The following ZEB1 variants were observed in gnomAD, a reference collection of about 807,000 sequenced individuals.
ZEB1 encodes the protein zinc finger E-box binding homeobox 1, also known as zinc finger E-box-binding homeobox 1.
In ZEB1, 21 loss-of-function variants were observed where a neutral mutation model predicts 84.9. That is an observed-to-expected ratio of 0.25 (90% confidence interval 0.18 to 0.36). The LOEUF is 0.36. Ranked by LOEUF, ZEB1 falls within the 10% of genes least tolerant of loss-of-function variation. The pLI is 1.00. For missense variants in ZEB1, 1,104 were observed against 1,330.2 expected (o/e 0.83, Z 2.65); for synonymous variants, 420 against 471.1 (o/e 0.89, Z 1.41).
chr10:31,461,147 C>G lies in ZEB1; in HGVS notation c.169C>G (p.Pro57Ala), dbSNP rs1449875279. The change falls in exon 2 of 9, where the codon CCA becomes GCA. Residue 57 changes from proline to alanine, a missense_variant. Coordinates refer to ENST00000424869, the MANE Select transcript of ZEB1 (RefSeq NM_001174096.2). ...VTDAADCEGVPEDDLPTDQTV... is the reference protein window; with the variant it reads ...VTDAADCEGVAEDDLPTDQTV... ...AGATGCAGCTGACTGTGAAGGTGTACCAGAGGATGACCTGCCAACAGACCA... is the reference window on the plus strand; with the variant it reads ...AGATGCAGCTGACTGTGAAGGTGTAGCAGAGGATGACCTGCCAACAGACCA... 6.2e-7 allele frequency: 1 copy of G among 1,613,406 alleles called. No homozygotes were observed. Among genetic ancestry groups the G allele is most frequent in the Non-Finnish European group, 8.5e-7 (1 of 1,179,706 alleles).
Position 31,468,958 on chromosome 10 carries a change from G to T in ZEB1, c.259+7721G>T, listed in dbSNP as rs143193626. 5.0e-3 allele frequency among the ~76,000 whole-genome samples: 757 copies of T among 152,216 alleles called. 11 individuals carry two copies. The highest frequency in any genetic ancestry group is 0.017 in the African/African-American group (708 of 41,532). ...TGAAAACTTTGAAATGACAGATAAA[G>T]AATTTAAGATATGGACTGTTAAGAA... is the stretch of plus-strand genomic sequence containing the variant. On this transcript the variant is annotated intron_variant, in intron 2 of 8. Coordinates refer to ENST00000424869, the MANE Select transcript of ZEB1 (RefSeq NM_001174096.2).
At chr10:31,389,288 G>A (rs1023610369) in intron 1 of ZEB1, among the ~76,000 whole-genome samples, 3 of 152,038 alleles carry the variant, frequency 2.0e-5, no homozygotes, top group South Asian at 2.1e-4. Context: ...TAATGGTACC[G>A]AGGGCTTCTT....
intron 2 of ZEB1, among the ~76,000 whole-genome samples, chr10:31,479,436 A>G (rs1206923072): frequency 6.6e-6 from 1 of 151,930 alleles, no homozygotes; most frequent in Non-Finnish European, 1.5e-5. Flanking sequence ...ATCAAATTCA[A>G]ATAAGAACAC....
chr10:31,513,263 G>A (rs1002934240), intron 5 of ZEB1, among the ~76,000 whole-genome samples: 57 of 152,106 alleles, frequency 3.7e-4, no homozygotes, highest in African/African-American at 1.3e-3. Context: ...GGGTACATGA[G>A]TAAGAGGGTA....
At chr10:31,407,340 G>A (rs1449536427) in intron 1 of ZEB1, among the ~76,000 whole-genome samples, 1 of 146,458 alleles carries the variant, frequency 6.8e-6, no homozygotes, top group Non-Finnish European at 1.5e-5. Context: ...GTGAGAACAT[G>A]CGGTGTTTGG....
At chr10:31,399,572 T>G (rs1208390461) in intron 1 of ZEB1, among the ~76,000 whole-genome samples, 2 of 152,198 alleles carry the variant, frequency 1.3e-5, no homozygotes, top group Non-Finnish European at 2.9e-5. Context: ...CAAATCACCT[T>G]CATCTCTTAC....
At chr10:31,346,094 A>G (rs1410405884) in intron 1 of ZEB1, among the ~76,000 whole-genome samples, 1 of 152,188 alleles carries the variant, frequency 6.6e-6, no homozygotes, top group African/African-American at 2.4e-5. Flanking sequence ...GTTTGGAAGT[A>G]TGAATAGTCA....
intron 2 of ZEB1, among the ~76,000 whole-genome samples, chr10:31,494,898 C>T (rs1042194188): frequency 1.2e-4 from 19 of 152,060 alleles, no homozygotes; most frequent in African/African-American, 4.6e-4. Flanking sequence ...GGGAAGATGA[C>T]AGATATCTAA....
chr10:31,499,273 C>A (rs1308941433), intron 3 of ZEB1, among the ~76,000 whole-genome samples: 1 of 152,108 alleles, frequency 6.6e-6, no homozygotes, highest in Non-Finnish European at 1.5e-5. Context: ...TTTTTTCTCA[C>A]AGTCACTTTG....
intron 1 of ZEB1, among the ~76,000 whole-genome samples, chr10:31,326,204 T>C (rs1349129829): frequency 4.6e-5 from 7 of 152,100 alleles, no homozygotes; most frequent in Non-Finnish European, 1.5e-5. Context: ...CAGTGACATA[T>C]GGAATAACAT....
chr10:31,334,235 CTT>C (rs1215325489), intron 1 of ZEB1, among the ~76,000 whole-genome samples: 3 of 152,098 alleles, frequency 2.0e-5, no homozygotes, highest in African/African-American at 7.2e-5. Context: ...AGGAGGAACA[CTT>C]AGAAAAACTG....
intron 1 of ZEB1, among the ~76,000 whole-genome samples, chr10:31,366,611 G>A (rs889210785): frequency 1.7e-4 from 26 of 152,192 alleles, no homozygotes; most frequent in African/African-American, 5.8e-4. Context: ...CCTTTCCAGT[G>A]TTGGCAAATA....
At chr10:31,391,779 G>A (rs2049782543) in intron 1 of ZEB1, among the ~76,000 whole-genome samples, 1 of 152,076 alleles carries the variant, frequency 6.6e-6, no homozygotes, top group Non-Finnish European at 1.5e-5. Flanking sequence ...CTTTTTACCT[G>A]GGGATCCTTG....
At chr10:31,515,487 G>A (rs974452939) in intron 6 of ZEB1, among the ~76,000 whole-genome samples, 1 of 152,054 alleles carries the variant, frequency 6.6e-6, no homozygotes, top group African/African-American at 2.4e-5. Context: ...TATTAACCAT[G>A]AATGGGAAAT....
intron 1 of ZEB1, among the ~76,000 whole-genome samples, chr10:31,443,785 G>A (rs2059373588): frequency 6.7e-6 from 1 of 149,246 alleles, no homozygotes; most frequent in Non-Finnish European, 1.5e-5. Flanking sequence ...GTGTATATGT[G>A]CCACCTTTTC....
intron 1 of ZEB1, among the ~76,000 whole-genome samples, chr10:31,334,083 T>C (rs549410894): frequency 1.3e-5 from 2 of 152,140 alleles, no homozygotes; most frequent in South Asian, 4.1e-4. Flanking sequence ...TTTATCATTA[T>C]TATAGCTTAT....
chr10:31,382,723 T>C (rs2047916629), intron 1 of ZEB1, among the ~76,000 whole-genome samples: 2 of 152,102 alleles, frequency 1.3e-5, no homozygotes, highest in African/African-American at 2.4e-5. Flanking sequence ...GACCAAAATA[T>C]TATGATTAAA....
At chr10:31,364,458 GGC>G (rs1375951156) in intron 1 of ZEB1, among the ~76,000 whole-genome samples, 1 of 152,156 alleles carries the variant, frequency 6.6e-6, no homozygotes, top group Non-Finnish European at 1.5e-5. Context: ...CAGGTTACAG[GGC>G]CAGAACCTGG....
intron 2 of ZEB1, among the ~76,000 whole-genome samples, chr10:31,477,141 T>C (rs955281446): frequency 6.6e-6 from 1 of 152,034 alleles, no homozygotes; most frequent in African/African-American, 2.4e-5. Context: ...ACTGATGACA[T>C]GCCCCCATAC....
Sources: allele counts gnomAD v4.1 joint callset (sites outside exome capture counted in the v4.1 genomes callset), GRCh38; gene constraint gnomAD v4.1.1; transcripts MANE v1.5; gene names NCBI Gene and HGNC (gene_info 2026-07-23, HGNC 2026-07-21).